The following MIPEP variants were observed in gnomAD, a reference collection of about 807,000 sequenced individuals.
MIPEP encodes mitochondrial intermediate peptidase.
MIPEP carries 79 observed loss-of-function variants against 90.3 expected under a neutral mutation model. That is an observed-to-expected ratio of 0.87 (90% CI 0.73 to 1.05). The LOEUF is 1.05. MIPEP is among the 50% of genes least tolerant of loss of function. The probability of loss-of-function intolerance (pLI) is 0.00; values close to 1 mark genes in which losing one functional copy is unlikely to be tolerated. For missense variants in MIPEP, 940 were observed against 905.6 expected (o/e 1.04, Z -0.49); for synonymous variants, 334 against 315.8 (o/e 1.06, Z -0.61).
intron 1 of MIPEP, chr13:23,888,081 C>T: frequency 2.4e-6 from 1 of 417,076 alleles, no homozygotes; most frequent in Non-Finnish European, 4.7e-6. Context: ...TGAAAATCTG[C>T]TATCAGTGCC....
intron 14 of MIPEP, among the ~76,000 whole-genome samples, chr13:23,812,738 G>C (rs114700314): frequency 6.6e-6 from 1 of 152,204 alleles, no homozygotes; most frequent in African/African-American, 2.4e-5. Context: ...TGGGTGAAGG[G>C]GACATAGGAC....
chr13:23,821,939 CAA>C (rs1953310859), intron 14 of MIPEP, among the ~76,000 whole-genome samples: 1 of 151,836 alleles, frequency 6.6e-6, no homozygotes, highest in African/African-American at 2.4e-5. Context: ...ACAGAAGGGC[CAA>C]ATGTATTTCA....
intron 14 of MIPEP, among the ~76,000 whole-genome samples, chr13:23,819,105 A>G (rs1251257037): frequency 6.6e-6 from 1 of 152,198 alleles, no homozygotes; most frequent in Non-Finnish European, 1.5e-5. Context: ...AGGTTTATTC[A>G]TTTCTTTTAA....
At chr13:23,803,861 T>A (rs1224243836) in intron 16 of MIPEP, among the ~76,000 whole-genome samples, 1 of 152,068 alleles carries the variant, frequency 6.6e-6, no homozygotes, top group Admixed American at 6.6e-5. Context: ...CTCAGACACT[T>A]TTTTTTAAAG....
At chr13:23,734,491 T>G (rs948346901) in intron 18 of MIPEP, among the ~76,000 whole-genome samples, 1 of 152,192 alleles carries the variant, frequency 6.6e-6, no homozygotes, top group Non-Finnish European at 1.5e-5. Context: ...TTGAGTAAGG[T>G]GTACTCCTAT....
At chr13:23,864,321 A>G (rs1870433555) in intron 7 of MIPEP, 132 bp from the exon 8 acceptor site, 1 of 651,412 alleles carries the variant, frequency 1.5e-6, no homozygotes, top group Admixed American at 3.4e-5. Context: ...AAAGGGAAGT[A>G]GAGCTACCAA....
chr13:23,826,882 T>G (rs899770409), intron 14 of MIPEP, among the ~76,000 whole-genome samples: 1 of 152,218 alleles, frequency 6.6e-6, no homozygotes, highest in Non-Finnish European at 1.5e-5. Flanking sequence ...ATTCATGGAT[T>G]CAATCAACCA....
At chr13:23,736,715 G>A (rs1055315259) in intron 18 of MIPEP, among the ~76,000 whole-genome samples, 1 of 152,128 alleles carries the variant, frequency 6.6e-6, no homozygotes, top group Non-Finnish European at 1.5e-5. Flanking sequence ...CAGACAGCTG[G>A]CCTAGACGGG....
intron 14 of MIPEP, among the ~76,000 whole-genome samples, chr13:23,831,221 AT>A (rs1225005497): frequency 6.6e-6 from 1 of 152,118 alleles, no homozygotes; most frequent in Non-Finnish European, 1.5e-5. Context: ...ATTTTCAGAA[AT>A]TTACCTAAAA....
intron 14 of MIPEP, among the ~76,000 whole-genome samples, chr13:23,820,026 G>A (rs891058861): frequency 1.3e-5 from 2 of 151,486 alleles, no homozygotes; most frequent in Non-Finnish European, 2.9e-5. Flanking sequence ...AAAAAAAAAG[G>A]AAAAAAACCT....
intron 16 of MIPEP, among the ~76,000 whole-genome samples, chr13:23,770,130 G>C (rs1409678498): frequency 6.6e-6 from 1 of 152,114 alleles, no homozygotes; most frequent in Non-Finnish European, 1.5e-5. Flanking sequence ...AAATGGGCTA[G>C]GAAAGGGCCT....
intron 5 of MIPEP, among the ~76,000 whole-genome samples, chr13:23,872,513 G>A (rs1870862721): frequency 6.6e-6 from 1 of 152,074 alleles, no homozygotes; most frequent in African/African-American, 2.4e-5. Flanking sequence ...AAAGAACATA[G>A]GCTTTGATGA....
intron 16 of MIPEP, among the ~76,000 whole-genome samples, chr13:23,791,135 C>A (rs1304062341): frequency 6.6e-6 from 1 of 152,164 alleles, no homozygotes; most frequent in East Asian, 1.9e-4. Context: ...CTTGTTAAAT[C>A]CCACAGTCAG....
chr13:23,824,617 G>A (rs967198519), intron 14 of MIPEP, among the ~76,000 whole-genome samples: 7 of 152,208 alleles, frequency 4.6e-5, no homozygotes, highest in African/African-American at 1.7e-4. Context: ...TCACAGCACT[G>A]CATTTCCTCA....
intron 16 of MIPEP, among the ~76,000 whole-genome samples, chr13:23,762,909 G>A (rs551192808): frequency 6.6e-6 from 1 of 152,162 alleles, no homozygotes; most frequent in African/African-American, 2.4e-5. Flanking sequence ...TAGGTGGGAG[G>A]AGCTGGACAC....
intron 16 of MIPEP, among the ~76,000 whole-genome samples, chr13:23,780,012 G>A (rs1479434620): frequency 6.6e-6 from 1 of 152,210 alleles, no homozygotes; most frequent in Non-Finnish European, 1.5e-5. Context: ...TGCCTCAGTA[G>A]ACTCCACCTC....
At chr13:23,743,409 A>G (rs1451887747) in intron 18 of MIPEP, among the ~76,000 whole-genome samples, 2 of 152,238 alleles carry the variant, frequency 1.3e-5, no homozygotes, top group Non-Finnish European at 2.9e-5. Context: ...GGTTACCCAC[A>G]CCCTTTGCTA....
chr13:23,844,853 A>C (rs987771687), intron 10 of MIPEP, among the ~76,000 whole-genome samples: 1 of 152,358 alleles, frequency 6.6e-6, no homozygotes, highest in African/African-American at 2.4e-5. Flanking sequence ...ATAGAATATA[A>C]GTTCATATAA....
chr13:23,798,809 C>T (rs944936292), intron 16 of MIPEP, among the ~76,000 whole-genome samples: 1 of 151,992 alleles, frequency 6.6e-6, no homozygotes, highest in Non-Finnish European at 1.5e-5. Context: ...CTTCCTGAGG[C>T]CTTCCCAGAA....
Sources: allele counts gnomAD v4.1 joint callset (sites outside exome capture counted in the v4.1 genomes callset), GRCh38; gene constraint gnomAD v4.1.1; transcripts MANE v1.5; gene names NCBI Gene and HGNC (gene_info 2026-07-23, HGNC 2026-07-21).